The following ADAMTS13 variants were observed in gnomAD, a reference collection of about 807,000 sequenced individuals.
The protein encoded by ADAMTS13 is ADAM metallopeptidase with thrombospondin type 1 motif 13.
ADAMTS13 carries 110 observed loss-of-function variants against 155.1 expected under a neutral mutation model. The ratio of observed to expected loss-of-function variants is 0.71; its 90% CI spans 0.61 to 0.83. The LOEUF is 0.83. ADAMTS13 is among the 40% of genes least tolerant of loss of function. The pLI is 0.00. For synonymous variants in ADAMTS13, 758 were observed against 756.4 expected (o/e 1.00, Z -0.03); for missense variants, 1,707 against 1,891.7 (o/e 0.90, Z 1.81).
At chr9:133,455,746 C>T in intron 25 of ADAMTS13, 1 of 1,196,970 alleles carries the variant, frequency 8.4e-7, no homozygotes, top group Non-Finnish European at 1.2e-6. Flanking sequence ...CCCTCTTTCT[C>T]CCTGGCAAAG....
At chr9:133,418,978 C>T (rs3124777), upstream of ADAMTS13, among the ~76,000 whole-genome samples, 133,620 of 152,084 alleles carry the variant, frequency 0.88, 58,782 homozygotes, top group South Asian at 0.89. Context: ...GTAGCTGGGA[C>T]TATAGGTGCA....
chr9:133,438,434 G>A, intron 14 of ADAMTS13, 68 bp downstream of exon 14: 7 of 1,600,338 alleles, frequency 4.4e-6, no homozygotes, highest in South Asian at 3.3e-5. Context: ...AGCCCAGAGC[G>A]TTGGTGCAGG....
rs1842948979 is a variant in ADAMTS13, at chr9:133,459,253, C to G, written c.*73C>G. ...CCCCTGGTCTCAGTGCTTTCCAATT[C>G]GAACTTTTTCCAATCTTAGGTATCT... is the stretch of plus-strand genomic sequence containing the variant. On this transcript the variant is annotated 3_prime_UTR_variant, in exon 29 of 29. Coordinates refer to ENST00000355699, the MANE Select transcript of ADAMTS13 (RefSeq NM_139027.6). 4 of 1,431,998 alleles carry G rather than the reference C, an allele frequency of 2.8e-6. No homozygotes were observed. In the East Asian group the frequency reaches 9.9e-5, roughly 35 times the overall value. 88.7% of individuals were successfully genotyped at this position (1,431,998 alleles called of 1,614,324 possible).
chr9:133,443,546 A>G lies in ADAMTS13; in HGVS notation c.2405A>G (p.Gln802Arg). The G allele has an allele frequency of 6.4e-7, 1 of 1,558,318 alleles. No homozygotes were observed. Among genetic ancestry groups the G allele is most frequent in the Non-Finnish European group, 8.6e-7 (1 of 1,158,042 alleles). Residue 802 changes from glutamine (Q) to arginine (R), a missense_variant, in exon 19 of 29, where the codon CAG (glutamine) becomes CGG (arginine). Around this residue, in one of 3 missense-constraint regions of ADAMTS13, gnomAD observed 961 missense variants for 1,107.9 expected, o/e 0.87. Coordinates refer to ENST00000355699, the MANE Select transcript of ADAMTS13 (RefSeq NM_139027.6). ...GTGGCGCTGGAAACCTGCAACCCCCAGCCCTGCCCTGCCAGGTGAGCCCAG... is the reference window on the plus strand; with the variant it reads ...GTGGCGCTGGAAACCTGCAACCCCCGGCCCTGCCCTGCCAGGTGAGCCCAG... ...PAVALETCNP[Q>R]PCPARWEVSE...
At position 133,445,596 on chromosome 9, in the gene ADAMTS13, G is replaced by A. The variant is rs587662024; in HGVS notation, c.2611-103G>A. On this transcript the variant is annotated intron_variant, in intron 20 of 28. Coordinates refer to ENST00000355699, the MANE Select transcript of ADAMTS13 (RefSeq NM_139027.6). The surrounding 1 kb of genome is among the most constrained non-coding windows in gnomAD (Gnocchi z 5.0). The stretch of plus-strand genomic sequence containing the variant: ...GGGAGGGAGCCCCTGGTGCACACAC[G>A]CCACTTCCTGGTCTCTCTGCTGCTG... 7.4e-4 allele frequency: 1,168 copies of A among 1,582,054 alleles called. 3 individuals are homozygous for A. The highest frequency in any genetic ancestry group is 8.9e-4 in the Non-Finnish European group (1,033 of 1,158,284).
At chr9:133,436,796 C>A in intron 11 of ADAMTS13, 33 bp from the exon 12 acceptor site, 1 of 970,528 alleles carries the variant, frequency 1.0e-6, no homozygotes, top group Non-Finnish European at 1.5e-6. Flanking sequence ...CCCGCCCCAC[C>A]GCCATCCCCC....
In ADAMTS13 at chr9:133,437,770, T is replaced by G. The variant is rs782052182; in HGVS notation, c.1457T>G (p.Met486Arg). 1.9e-6 allele frequency: 3 copies of G among 1,613,740 alleles called. No individual in the cohort carries two copies. Among genetic ancestry groups the G allele is most frequent in the Middle Eastern group, 1.6e-4 (1 of 6,084 alleles). Residue 486 changes from methionine (M) to arginine (R), a missense_variant, in exon 13 of 29, where the codon ATG (methionine) becomes AGG (arginine). Around this residue, in one of 3 missense-constraint regions of ADAMTS13, gnomAD observed 733 missense variants for 749.6 expected, o/e 0.98. Transcript: ENST00000355699. ...CCAGGGGATGCTCTGTGCAGACACA[T>G]GTGCCGGGCCATTGGCGAGAGCTTC... ...HSQGDALCRH[M>R]CRAIGESFIM...
intron 2 of ADAMTS13, among the ~76,000 whole-genome samples, chr9:133,423,628 C>T (rs1305838277): frequency 6.6e-6 from 1 of 152,244 alleles, no homozygotes; most frequent in Non-Finnish European, 1.5e-5. Flanking sequence ...CCGGTGCGAG[C>T]CCCCTTCCCA....
At chr9:133,435,979 T>G (rs995205176) in intron 11 of ADAMTS13, among the ~76,000 whole-genome samples, 4 of 140,454 alleles carry the variant, frequency 2.8e-5, no homozygotes, top group African/African-American at 1.0e-4. Flanking sequence ...TTTCTCTTCT[T>G]TTTTTTTTTT....
At chr9:133,438,478 C>T in intron 14 of ADAMTS13, 112 bp downstream of exon 14, 2 of 1,496,400 alleles carry the variant, frequency 1.3e-6, no homozygotes, top group Middle Eastern at 2.3e-4. Flanking sequence ...CACACTCACT[C>T]AGCCCTGGAT....
At chr9:133,451,642 G>A (rs935659539) in intron 23 of ADAMTS13, among the ~76,000 whole-genome samples, 20 of 152,140 alleles carry the variant, frequency 1.3e-4, no homozygotes, top group Middle Eastern at 3.2e-3. Context: ...TGTAATCTCA[G>A]CACTTCAGGA....
upstream of ADAMTS13, among the ~76,000 whole-genome samples, chr9:133,419,831 C>T (rs587761198): frequency 4.6e-5 from 7 of 152,042 alleles, no homozygotes; most frequent in African/African-American, 1.2e-4. Context: ...CTCCACCTCC[C>T]GGGTTCAAGC....
intron 13 of ADAMTS13, 114 bp from the exon 14 acceptor site, chr9:133,438,132 A>G (rs1841392025): frequency 1.3e-6 from 2 of 1,562,670 alleles, no homozygotes; most frequent in Middle Eastern, 1.7e-4. Flanking sequence ...GTGGGGTGCT[A>G]TAGAAGTGTT....
chr9:133,453,181 A>G (rs992282891), intron 23 of ADAMTS13, among the ~76,000 whole-genome samples: 4 of 152,180 alleles, frequency 2.6e-5, no homozygotes, highest in African/African-American at 9.7e-5. Context: ...TTATGCCTGT[A>G]ATCCCAGCAC....
upstream of ADAMTS13, chr9:133,417,627 A>G (rs1345845931): frequency 1.2e-5 from 19 of 1,613,372 alleles, no homozygotes; most frequent in Non-Finnish European, 1.6e-5. Flanking sequence ...CACCTCTTGC[A>G]GCGCCTTCCA....
chr9:133,416,599 A>T (rs1554781621), intron 1 of ADAMTS13, among the ~76,000 whole-genome samples: 2 of 152,136 alleles, frequency 1.3e-5, no homozygotes, highest in African/African-American at 2.4e-5. Context: ...GGATGTGGTA[A>T]GAATGTATGA....
upstream of ADAMTS13, chr9:133,422,292 C>T: frequency 1.3e-6 from 1 of 749,236 alleles, no homozygotes; most frequent in South Asian, 1.6e-5. Flanking sequence ...CTAGCCACGG[C>T]CCCTGCCCTG....
intron 2 of ADAMTS13, among the ~76,000 whole-genome samples, chr9:133,423,550 A>C (rs1840088694): frequency 6.6e-6 from 1 of 152,140 alleles, no homozygotes; most frequent in South Asian, 2.1e-4. Flanking sequence ...GCTACCTCCT[A>C]AGGCCATGGA....
intron 19 of ADAMTS13, 62 bp from the exon 20 acceptor site, chr9:133,444,801 G>A: frequency 6.4e-7 from 1 of 1,565,770 alleles, no homozygotes; most frequent in South Asian, 1.1e-5. Flanking sequence ...CCTAGCAGCT[G>A]GGCTATACCT....
Sources: gnomAD v4.1 joint callset for allele counts (sites outside exome capture counted in the v4.1 genomes callset) on GRCh38, gnomAD v4.1.1 for gene constraint, gnomAD v4.1.1 regional missense constraint, Gnocchi (gnomAD v3.1) non-coding constraint, MANE v1.5 for transcripts, NCBI Gene and HGNC (gene_info 2026-07-23, HGNC 2026-07-21) for gene names.